Variants in GOLGA4 observed in about 807,000 individuals in gnomAD.
GOLGA4 encodes golgin A4, also known as golgin subfamily A member 4.
A neutral mutation model predicts 265.9 loss-of-function variants in GOLGA4; 169 were observed. The ratio of observed to expected loss-of-function variants is 0.64; its 90% CI spans 0.56 to 0.72. GOLGA4 has a LOEUF of 0.72. Ranked by LOEUF, GOLGA4 falls within the 30% of genes least tolerant of loss-of-function variation. The pLI, the probability that GOLGA4 is intolerant of heterozygous loss-of-function variation, is 0.00. For missense variants in GOLGA4, 2,482 were observed against 2,483.4 expected, an observed-to-expected ratio of 1.00 and a Z score of 0.01; for synonymous variants, 923 against 855.8, an observed-to-expected ratio of 1.08 and a Z score of -1.37.
intron 1 of GOLGA4, among the ~76,000 whole-genome samples, chr3:37,246,962 C>G (rs1171209561): frequency 6.6e-6 from 1 of 151,838 alleles, no homozygotes; most frequent in African/African-American, 2.4e-5. Flanking sequence ...CCACAGATAA[C>G]AGGGAAAAGA....
intron 20 of GOLGA4, among the ~76,000 whole-genome samples, chr3:37,343,510 G>A (rs6769368): frequency 2.6e-5 from 4 of 151,706 alleles, no homozygotes; most frequent in Non-Finnish European, 4.4e-5. Flanking sequence ...GCTGCTGCGC[G>A]CGGCCTGGCC....
intron 23 of GOLGA4, among the ~76,000 whole-genome samples, chr3:37,365,303 C>G (rs1337202017): frequency 1.3e-5 from 2 of 151,716 alleles, no homozygotes; most frequent in Non-Finnish European, 1.5e-5. Context: ...GTCTCTCACT[C>G]TGTTGCCCAG....
intron 23 of GOLGA4, among the ~76,000 whole-genome samples, chr3:37,365,032 A>T (rs1462090065): frequency 6.6e-6 from 1 of 151,882 alleles, no homozygotes; most frequent in Non-Finnish European, 1.5e-5. Context: ...AGTAGCTGGG[A>T]CTACAGACAC....
At chr3:37,318,680 G>A (rs945345255) in intron 11 of GOLGA4, among the ~76,000 whole-genome samples, 4 of 152,080 alleles carry the variant, frequency 2.6e-5, no homozygotes, top group Non-Finnish European at 5.9e-5. Flanking sequence ...AATAGTACAT[G>A]CCTGGAAAGC....
rs751576750 is a variant in GOLGA4, at chr3:37,327,187, T to C, written c.5301T>C (p.Phe1767=). 6.2e-6 allele frequency: 10 copies of C among 1,613,870 alleles called. No individual in the cohort carries two copies. The highest frequency in any genetic ancestry group is 1.6e-4 in the Middle Eastern group (1 of 6,062). Residue 1767 remains phenylalanine, a synonymous_variant, in exon 14 of 24, where the codon TTT becomes TTC. Transcript: ENST00000361924. ...QEKEETVSSH[F]EMRCQYQERL... ...AAGAAGAGACAGTTTCTTCTCATTT[T>C]GAAATGCGATGCCAATACCAGGAGC...
intron 2 of GOLGA4, among the ~76,000 whole-genome samples, chr3:37,262,778 A>T (rs1054199707): frequency 6.6e-6 from 1 of 152,172 alleles, no homozygotes; most frequent in Non-Finnish European, 1.5e-5. Context: ...CAGACAAAAA[A>T]TACTGAGTAA....
Position 37,299,353 on chromosome 3 carries a change from A to G in GOLGA4, c.1068A>G (p.Glu356=), listed in dbSNP as rs1290613830. Residue 356 remains glutamate (E), a synonymous_variant, in exon 9 of 24, where the codon GAA becomes GAG. Coordinates refer to ENST00000361924, the MANE Select transcript of GOLGA4 (RefSeq NM_002078.5). ...TQLRDAKNLI[E]QLEQDKGMVI... is the part of the protein sequence containing the mutation. Reference sequence around the variant, plus strand: ...TGCGTGATGCAAAGAACTTAATTGAACAGCTTGAACAAGATAAGGTAAAAC... The same window carrying G: ...TGCGTGATGCAAAGAACTTAATTGAGCAGCTTGAACAAGATAAGGTAAAAC... 1 of 1,610,932 alleles carries G rather than the reference A, an allele frequency of 6.2e-7. No homozygotes were observed. Among genetic ancestry groups the G allele is most frequent in the Non-Finnish European group, 8.5e-7 (1 of 1,177,260 alleles).
At chr3:37,283,659 G>A (rs1193652326) in intron 3 of GOLGA4, among the ~76,000 whole-genome samples, 1 of 152,032 alleles carries the variant, frequency 6.6e-6, no homozygotes, top group Non-Finnish European at 1.5e-5. Flanking sequence ...TCAAGTAGCT[G>A]GGACTACAGG....
At chr3:37,286,222 C>T (rs1457961350) in intron 4 of GOLGA4, among the ~76,000 whole-genome samples, 161 bp downstream of exon 4, 3 of 136,526 alleles carry the variant, frequency 2.2e-5, no homozygotes, top group Non-Finnish European at 1.5e-5. Context: ...GGCGCAATCT[C>T]GGCTCACTGC....
intron 5 of GOLGA4, among the ~76,000 whole-genome samples, chr3:37,290,222 A>G (rs577671119): frequency 6.6e-6 from 1 of 152,324 alleles, no homozygotes; most frequent in Non-Finnish European, 1.5e-5. Context: ...AAAGAAGAAA[A>G]ACAAGGGAGT....
rs2150842228 is a variant in GOLGA4, at chr3:37,296,183, AAAG to A, written c.783_785del (p.Glu262del). ...GGAACCACAGGCTGAAGTCTTCACT[AAAG>A]AAGAGAATCCAGAAAGTGATGGAGA... On this transcript the variant is annotated inframe_deletion, in exon 7 of 24. Coordinates refer to ENST00000361924, the MANE Select transcript of GOLGA4 (RefSeq NM_002078.5). 6.2e-7 allele frequency: 1 copy of A among 1,614,082 alleles called. No homozygotes were observed. Among genetic ancestry groups the A allele is most frequent in the Non-Finnish European group, 8.5e-7 (1 of 1,179,898 alleles).
At chr3:37,251,355 A>G (rs749166384) in intron 1 of GOLGA4, 40 bp from the exon 2 acceptor site, 12 of 1,256,278 alleles carry the variant, frequency 9.6e-6, no homozygotes, top group South Asian at 6.0e-5. Flanking sequence ...TCACTAGTCA[A>G]TATAGTCTTG....
intron 12 of GOLGA4, 118 bp downstream of exon 12, chr3:37,319,312 G>C (rs1185280532): frequency 5.3e-6 from 4 of 750,324 alleles, no homozygotes; most frequent in Non-Finnish European, 8.5e-6. Flanking sequence ...TGACGTTTGG[G>C]TATAAAGAGA....
At position 37,262,496 on chromosome 3, in the gene GOLGA4, C is replaced by T. The variant is rs1578395216; in HGVS notation, c.162+11012C>T. Among the ~76,000 whole-genome samples the T allele has an allele frequency of 2.0e-5, 3 of 150,608 alleles. No homozygotes were observed. The East Asian group carries it at 5.8e-4, about 29-fold the overall frequency. ...CTTCCTGGGTGACAGAGTGAGACTC[C>T]CATCTCAAAAAAAAGAAAAAAATCC... On this transcript the variant is annotated intron_variant, in intron 2 of 23. Coordinates refer to ENST00000361924, the MANE Select transcript of GOLGA4 (RefSeq NM_002078.5).
At position 37,257,924 on chromosome 3, in the gene GOLGA4, TATGTATATATAC is replaced by T. The variant is rs1249573557; in HGVS notation, c.162+6443_162+6454del. ...ATATATATATATATATGTATGTATA[TATGTATATATAC>T]ATACATATATATGTATGTATATATG... On this transcript the variant is annotated intron_variant, in intron 2 of 23. Coordinates refer to ENST00000361924, the MANE Select transcript of GOLGA4 (RefSeq NM_002078.5). 4.7e-3 allele frequency among the ~76,000 whole-genome samples: 552 copies of T among 116,894 alleles called. 46 individuals carry two copies. Among genetic ancestry groups the T allele is most frequent in the African/African-American group, 0.02 (526 of 26,140 alleles). 76.7% of individuals were successfully genotyped at this position (116,894 alleles called of 152,430 possible).
intron 12 of GOLGA4, among the ~76,000 whole-genome samples, chr3:37,320,665 A>C (rs2096952336): frequency 6.6e-6 from 1 of 152,244 alleles, no homozygotes. Flanking sequence ...AAGAAAGTTA[A>C]GGAACAAAGT....
Position 37,281,969 on chromosome 3 carries a change from A to G in GOLGA4, c.174A>G (p.Thr58=). The G allele has an allele frequency of 6.2e-7, 1 of 1,611,962 alleles. No individual in the cohort carries two copies. Among genetic ancestry groups the G allele is most frequent in the South Asian group, 1.1e-5 (1 of 90,984 alleles). Residue 58 remains threonine (T), a synonymous_variant, in exon 3 of 24, where the codon ACA becomes ACG. Coordinates refer to ENST00000361924, the MANE Select transcript of GOLGA4 (RefSeq NM_002078.5). ...EGTPNRESGD[T]QSFAQKLQLR... ...GGTTTTGGTTGCAGTCAGGTGACACACAGTCTTTTGCACAGAAGCTCCAGC... is the reference window on the plus strand; with the variant it reads ...GGTTTTGGTTGCAGTCAGGTGACACGCAGTCTTTTGCACAGAAGCTCCAGC...
chr3:37,252,456 G>A lies in GOLGA4; in HGVS notation c.162+972G>A, dbSNP rs181626296. ...ATCAACATTATTGTACTTTTTTTTG[G>A]TGTACATGTACCTGCATTTCTGTTG... On this transcript the variant is annotated intron_variant, in intron 2 of 23. Coordinates refer to ENST00000361924, the MANE Select transcript of GOLGA4 (RefSeq NM_002078.5). Among the ~76,000 whole-genome samples the A allele has an allele frequency of 1.8e-3, 275 of 150,856 alleles. 1 individual carries two copies. The highest frequency in any genetic ancestry group is 2.8e-3 in the Non-Finnish European group (191 of 67,754).
rs4678955 is a variant in GOLGA4 at position 37,275,888 on chromosome 3, G to T, written c.163-6070G>T. ...TACAGATGAGGAAGTTACATCTTTGGCAAAGTCTCTCATCAAATCCTGGAA... is the reference window on the plus strand; with the variant it reads ...TACAGATGAGGAAGTTACATCTTTGTCAAAGTCTCTCATCAAATCCTGGAA... On this transcript the variant is annotated intron_variant, in intron 2 of 23. Transcript: ENST00000361924. 3.7e-6 allele frequency: 6 copies of T among 1,613,756 alleles called. No individual in the cohort carries two copies. The Admixed American group carries it at 1.0e-4, about 27-fold the overall frequency.
Sources: allele counts gnomAD v4.1 joint callset (sites outside exome capture counted in the v4.1 genomes callset), GRCh38; gene constraint gnomAD v4.1.1; transcripts MANE v1.5; gene names NCBI Gene and HGNC (gene_info 2026-07-23, HGNC 2026-07-21).